The following EXT1 variants were observed in gnomAD, a reference collection of about 807,000 sequenced individuals.
EXT1 encodes the protein exostosin-1.
A neutral mutation model predicts 82.5 loss-of-function variants in EXT1; 20 were observed. The observed-to-expected ratio is 0.24, with a 90% CI of 0.17 to 0.35. The LOEUF (loss-of-function observed/expected upper bound fraction) is 0.35, where lower values mean the gene tolerates loss of function less well. Ranked by LOEUF, EXT1 falls within the 10% of genes least tolerant of loss-of-function variation. EXT1 has a pLI of 1.00. For missense variants in EXT1, 757 were observed against 936.5 expected (o/e 0.81, Z 2.50); for synonymous variants, 348 against 350.8 (o/e 0.99, Z 0.09).
chr8:118,066,409 G>A (rs1468321161), intron 1 of EXT1, among the ~76,000 whole-genome samples: 2 of 151,100 alleles, frequency 1.3e-5, no homozygotes, highest in East Asian at 3.9e-4. Context: ...GCCCAGAGCT[G>A]GAGTGCAGTG....
chr8:117,860,780 C>A (rs1390514363), intron 1 of EXT1, among the ~76,000 whole-genome samples: 4 of 152,210 alleles, frequency 2.6e-5, no homozygotes. Context: ...TGTACTCCCT[C>A]ACGGCAAATT....
At chr8:117,821,971 C>A (rs1194557807) in intron 5 of EXT1, among the ~76,000 whole-genome samples, 1 of 152,130 alleles carries the variant, frequency 6.6e-6, no homozygotes, top group African/African-American at 2.4e-5. Flanking sequence ...CCCAGCAATA[C>A]ATTAGCATAG....
Position 118,041,947 on chromosome 8 carries a change from CAG to C in EXT1, c.962+68136_962+68137del, listed in dbSNP as rs780935813. ...TGGGTGACAGAGCGAGACTCTGCCT[CAG>C]AAAAAAAAAAAAAAAGAAAGAAAAG... is the stretch of plus-strand genomic sequence containing the variant. On this transcript the variant is annotated intron_variant, in intron 1 of 10. Coordinates refer to ENST00000378204, the MANE Select transcript of EXT1 (RefSeq NM_000127.3). Among the ~76,000 whole-genome samples, 109 of 81,976 alleles carry C rather than the reference CAG, an allele frequency of 1.3e-3. 5 individuals are homozygous for C. Among genetic ancestry groups the C allele is most frequent in the Admixed American group, 2.1e-3 (13 of 6,302 alleles). The allele number at this position is 81,976 out of a possible 152,430, so 53.8% of individuals were successfully genotyped here.
rs1265322623 is a variant in EXT1, at chr8:118,064,787, T to C, written c.962+45298A>G. On this transcript the variant is annotated intron_variant, in intron 1 of 10. Coordinates refer to ENST00000378204, the MANE Select transcript of EXT1 (RefSeq NM_000127.3). ...CCACAATGGTTGAACTAATTTACAC[T>C]CCCACCAACAGTGTAAAAGTGTTCG... Among the ~76,000 whole-genome samples, 5 of 151,872 alleles carry C rather than the reference T, an allele frequency of 3.3e-5. No individual in the cohort carries two copies. In the East Asian group the frequency reaches 7.7e-4, roughly 24 times the overall value.
At chr8:117,831,540 G>A (rs981409824) in intron 3 of EXT1, 62 of 468,994 alleles carry the variant, frequency 1.3e-4, no homozygotes, top group East Asian at 1.4e-4. Context: ...TTTCATTTAC[G>A]GAGTCTATAG....
rs138976599 is a variant in EXT1, at chr8:117,948,026, C to T, written c.963-110825G>A. On this transcript the variant is annotated intron_variant, in intron 1 of 10. Coordinates refer to ENST00000378204, the MANE Select transcript of EXT1 (RefSeq NM_000127.3). ...GATGAATGAGGAAATACCTGCTCCC[C>T]GTCTCTGTAATCAGTCCATCAACAC... 6.3e-3 allele frequency among the ~76,000 whole-genome samples: 965 copies of T among 152,166 alleles called. 9 individuals are homozygous for T. Among genetic ancestry groups the T allele is most frequent in the African/African-American group, 0.022 (924 of 41,524 alleles).
chr8:117,858,810 C>CAAGGCAAGGCAGGAAGGAAGGA (rs1182184208), intron 1 of EXT1, among the ~76,000 whole-genome samples: 2 of 34,372 alleles, frequency 5.8e-5, no homozygotes, highest in African/African-American at 1.3e-4. Flanking sequence ...CAAGGCAAGG[C>CAAGGCAAGGCAGGAAGGAAGGA]AGGAAGGAAG....
intron 1 of EXT1, among the ~76,000 whole-genome samples, chr8:117,849,453 C>T (rs1812418849): frequency 6.6e-6 from 1 of 152,202 alleles, no homozygotes; most frequent in Non-Finnish European, 1.5e-5. Flanking sequence ...CCCCATTCCT[C>T]ATGGGTTTAT....
At chr8:118,099,394 T>G (rs908043163) in intron 1 of EXT1, among the ~76,000 whole-genome samples, 1 of 152,256 alleles carries the variant, frequency 6.6e-6, no homozygotes, top group African/African-American at 2.4e-5. Flanking sequence ...CTGCTTCTAA[T>G]CTACTGCAGG....
At chr8:117,905,843 G>C (rs1813534291) in intron 1 of EXT1, among the ~76,000 whole-genome samples, 1 of 152,084 alleles carries the variant, frequency 6.6e-6, no homozygotes, top group Admixed American at 6.5e-5. Flanking sequence ...TTTGTGGAAT[G>C]AAAGACCAGA....
intron 1 of EXT1, among the ~76,000 whole-genome samples, chr8:117,955,984 A>G (rs1175908287): frequency 1.3e-5 from 2 of 152,220 alleles, no homozygotes; most frequent in Non-Finnish European, 2.9e-5. Flanking sequence ...TACAATAAAC[A>G]ATACTCAAAA....
At chr8:117,962,342 C>T (rs1814716897) in intron 1 of EXT1, among the ~76,000 whole-genome samples, 1 of 152,108 alleles carries the variant, frequency 6.6e-6, no homozygotes, top group Admixed American at 6.5e-5. Flanking sequence ...CTGTGCCTCA[C>T]ACCTGTAATC....
chr8:117,892,852 C>A (rs1328394813), intron 1 of EXT1, among the ~76,000 whole-genome samples: 1 of 152,158 alleles, frequency 6.6e-6, no homozygotes, highest in Non-Finnish European at 1.5e-5. Flanking sequence ...AGAAAAGAGT[C>A]AAGGACAACG....
chr8:117,980,694 GGTGGTTTTTTTTTTTTTTTTTTT>G (rs796632041), intron 1 of EXT1, among the ~76,000 whole-genome samples: 3 of 123,394 alleles, frequency 2.4e-5, no homozygotes, highest in Non-Finnish European at 5.3e-5. Flanking sequence ...TTCGGGTGTT[GGTGGTTTTTTTTTTTTTTTTTTT>G]TTTTTTTTTT....
In EXT1 at chr8:117,953,578, C is replaced by T. The variant is rs1405770158; in HGVS notation, c.963-116377G>A. Among the ~76,000 whole-genome samples, 3 of 151,932 alleles carry T rather than the reference C, an allele frequency of 2.0e-5. No homozygotes were observed. The East Asian group carries it at 5.8e-4, about 29-fold the overall frequency. On this transcript the variant is annotated intron_variant, in intron 1 of 10. Coordinates refer to ENST00000378204, the MANE Select transcript of EXT1 (RefSeq NM_000127.3). ...AATGCTTATGACTCAATGTGCCAAA[C>T]AACCAGCGCCAAATTACTGAGAGTG...
intron 1 of EXT1, among the ~76,000 whole-genome samples, chr8:117,909,328 T>A (rs573172766): frequency 1.4e-4 from 21 of 152,314 alleles, no homozygotes; most frequent in Non-Finnish European, 2.2e-4. Context: ...GTTATCTTTA[T>A]CATCATATTA....
intron 1 of EXT1, among the ~76,000 whole-genome samples, chr8:118,007,037 C>T (rs1029383244): frequency 1.3e-5 from 2 of 152,188 alleles, no homozygotes; most frequent in African/African-American, 4.8e-5. Flanking sequence ...GTGGCTCACG[C>T]CTGTAATCCC....
chr8:117,964,794 T>C (rs1197315262), intron 1 of EXT1, among the ~76,000 whole-genome samples: 1 of 152,062 alleles, frequency 6.6e-6, no homozygotes, highest in Non-Finnish European at 1.5e-5. Context: ...TGTGCCACCA[T>C]GCCTGGCTAA....
At chr8:117,842,914 G>C (rs1219835061) in intron 1 of EXT1, among the ~76,000 whole-genome samples, 1 of 152,184 alleles carries the variant, frequency 6.6e-6, no homozygotes, top group Non-Finnish European at 1.5e-5. Context: ...CGATAGGGAA[G>C]AAACAAGTGA....
Sources: allele counts gnomAD v4.1 joint callset (sites outside exome capture counted in the v4.1 genomes callset), GRCh38; gene constraint gnomAD v4.1.1; transcripts MANE v1.5; gene names NCBI Gene and HGNC (gene_info 2026-07-23, HGNC 2026-07-21).